DIXDC1: variants seen among roughly 807,000 people sequenced by gnomAD.
DIXDC1 encodes DIX domain containing 1, also known as dixin.
A neutral mutation model predicts 103.1 loss-of-function variants in DIXDC1; 64 were observed. The ratio of observed to expected loss-of-function variants is 0.62; its 90% confidence interval spans 0.51 to 0.76. The LOEUF is 0.76. Ranked by LOEUF, DIXDC1 falls within the 30% of genes least tolerant of loss-of-function variation. The pLI, the probability that DIXDC1 is intolerant of heterozygous loss-of-function variation, is 0.00. For synonymous variants in DIXDC1, 266 were observed against 298.5 expected, an observed-to-expected ratio of 0.89 and a Z score of 1.12; for missense variants, 759 against 834.2, an observed-to-expected ratio of 0.91 and a Z score of 1.11.
chr11:111,940,517 T>C (rs587742882), intron 1 of DIXDC1, among the ~76,000 whole-genome samples: 1 of 152,106 alleles, frequency 6.6e-6, no homozygotes, highest in South Asian at 2.1e-4. Flanking sequence ...CCAATATGGA[T>C]TTCTGCAAGT....
intron 1 of DIXDC1, among the ~76,000 whole-genome samples, chr11:111,947,330 C>T (rs1352061737): frequency 1.3e-5 from 2 of 152,162 alleles, no homozygotes; most frequent in Non-Finnish European, 2.9e-5. Context: ...AGAGTAACAG[C>T]CTCCTGTAAA....
intron 5 of DIXDC1, 119 bp downstream of exon 5, chr11:111,975,102 C>T (rs1460879735): frequency 3.3e-6 from 5 of 1,507,740 alleles, no homozygotes; most frequent in Non-Finnish European, 3.5e-6. Flanking sequence ...TTATGTTTGG[C>T]TTTAAAGGGA....
At chr11:111,957,849 C>A (rs1859439593) in intron 1 of DIXDC1, among the ~76,000 whole-genome samples, 3 of 152,234 alleles carry the variant, frequency 2.0e-5, no homozygotes, top group African/African-American at 7.2e-5. Flanking sequence ...GGTATTTTGT[C>A]ACTGTTAGTG....
Position 111,974,028 on chromosome 11 carries a change from G to A in DIXDC1, c.322G>A (p.Val108Met). The A allele has an allele frequency of 1.2e-6, 2 of 1,613,812 alleles. No homozygotes were observed. The highest frequency in any genetic ancestry group is 1.7e-5 in the Admixed American group (1 of 60,022). ...TGGTCCGTTTTATCCTTCAGATATT[G>A]TGGATGGAAACCTGAAGTCTATCAT... The part of the protein sequence containing the change: ...RMHQTSAKDI[V>M]DGNLKSIMRL... The change falls in exon 4 of 20, where the codon GTG (valine) becomes ATG (methionine). Residue 108 changes from valine (V) to methionine (M), a missense_variant. Coordinates refer to ENST00000440460, the MANE Select transcript of DIXDC1 (RefSeq NM_001037954.4).
intron 3 of DIXDC1, 83 bp downstream of exon 3, chr11:111,968,721 T>TG: frequency 7.4e-7 from 1 of 1,343,518 alleles, no homozygotes; most frequent in Non-Finnish European, 9.9e-7. Context: ...GGCTGTAACC[T>TG]GGGGGAAGAT....
chr11:112,009,698 A>C (rs1447558682), intron 17 of DIXDC1, among the ~76,000 whole-genome samples: 2 of 152,218 alleles, frequency 1.3e-5, no homozygotes, highest in Non-Finnish European at 2.9e-5. Context: ...AACAGAACCA[A>C]AGAGAAAAAC....
rs1555175155 is a variant in DIXDC1, at chr11:111,994,999, A to G, written c.1438-20A>G. 4.4e-6 allele frequency: 7 copies of G among 1,608,508 alleles called. No homozygotes were observed. The highest frequency in any genetic ancestry group is 5.9e-6 in the Non-Finnish European group (7 of 1,178,298). On this transcript the variant is annotated intron_variant, in intron 14 of 19. Transcript: ENST00000440460. Reference sequence around the variant, plus strand: ...TACAATTCTCCCTTTAACAAGCAACATTTCTTCATGCTGCTGTAGGCGACC... The same window carrying G: ...TACAATTCTCCCTTTAACAAGCAACGTTTCTTCATGCTGCTGTAGGCGACC...
intron 1 of DIXDC1, among the ~76,000 whole-genome samples, chr11:111,944,235 C>T (rs1430762704): frequency 1.3e-5 from 2 of 152,208 alleles, no homozygotes; most frequent in African/African-American, 4.8e-5. Context: ...CCATTCATGT[C>T]TCCTCCTGAA....
At position 111,977,554 on chromosome 11, in the gene DIXDC1, G is replaced by A; in HGVS notation, c.656+2571G>A. The A allele has an allele frequency of 2.0e-6, 3 of 1,476,140 alleles. No homozygotes were observed. The highest frequency in any genetic ancestry group is 2.8e-5 in the African/African-American group (2 of 70,196). 91.4% of individuals were successfully genotyped at this position (1,476,140 alleles called of 1,614,324 possible). On this transcript the variant is annotated intron_variant, in intron 5 of 19. Transcript: ENST00000440460. This position sits in a 1 kb window ranked among gnomAD's most constrained non-coding sequence, Gnocchi z 6.1. Reference sequence around the variant, plus strand: ...GCCGGGACTGCGCGCTTCAGAGCCTGGAGCATCCCAGTCGCTGGGGCCGAG... The same window carrying A: ...GCCGGGACTGCGCGCTTCAGAGCCTAGAGCATCCCAGTCGCTGGGGCCGAG...
In DIXDC1 at chr11:111,939,116, C is replaced by T. The variant is rs587614858; in HGVS notation, c.60+1557C>T. Among the ~76,000 whole-genome samples, 4 of 152,334 alleles carry T rather than the reference C, an allele frequency of 2.6e-5. No individual in the cohort carries two copies. In the South Asian group the frequency reaches 8.3e-4, roughly 32 times the overall value. On this transcript the variant is annotated intron_variant, in intron 1 of 19. Coordinates refer to ENST00000440460, the MANE Select transcript of DIXDC1 (RefSeq NM_001037954.4). The stretch of plus-strand genomic sequence containing the variant: ...CAGAAGCTCTTTTAGTTGTCTTATA[C>T]CTCCTGCCCCAACTTAACAACAACA...
intron 8 of DIXDC1, among the ~76,000 whole-genome samples, chr11:111,986,315 T>C (rs1009355729): frequency 6.6e-6 from 1 of 151,524 alleles, no homozygotes; most frequent in Non-Finnish European, 1.5e-5. Context: ...CATTTCTTCT[T>C]CCCTTTACCC....
intron 16 of DIXDC1, 100 bp downstream of exon 16, chr11:111,995,664 C>A (rs1860874166): frequency 1.4e-6 from 2 of 1,459,596 alleles, no homozygotes; most frequent in African/African-American, 1.4e-5. Context: ...AGATACAAGA[C>A]CCTGTTAAAG....
chr11:111,932,247 G>A lies in DIXDC1; in HGVS notation c.57+2337G>A, dbSNP rs587680132. Among the ~76,000 whole-genome samples, 15 of 150,912 alleles carry A rather than the reference G, an allele frequency of 9.9e-5. No individual in the cohort carries two copies. The South Asian group carries it at 3.1e-3, about 32-fold the overall frequency. On this transcript the variant is annotated intron_variant, in intron 2 of 5. Coordinates refer to the DIXDC1 transcript ENST00000529225. ...AGATGGGGTTTCACCATGTTGGCCAGACTGGTCTCTCAACTCCTGACTTCA... is the reference window on the plus strand; with the variant it reads ...AGATGGGGTTTCACCATGTTGGCCAAACTGGTCTCTCAACTCCTGACTTCA...
intron 17 of DIXDC1, chr11:112,015,288 C>T (rs1172477001): frequency 6.6e-6 from 1 of 152,188 alleles, no homozygotes; most frequent in Non-Finnish European, 1.5e-5. Context: ...ATTCATCCTT[C>T]ATATTCCTTA....
At chr11:111,944,696 G>T (rs944313766) in intron 1 of DIXDC1, among the ~76,000 whole-genome samples, 1 of 152,106 alleles carries the variant, frequency 6.6e-6, no homozygotes, top group Non-Finnish European at 1.5e-5. Context: ...TCCTTCCACC[G>T]GCCACCTCGT....
intron 10 of DIXDC1, among the ~76,000 whole-genome samples, chr11:111,990,414 T>C (rs1555174416): frequency 1.3e-5 from 2 of 152,044 alleles, no homozygotes; most frequent in East Asian, 1.9e-4. Context: ...TTAACAGTTA[T>C]CAGCACATTT....
intron 1 of DIXDC1, among the ~76,000 whole-genome samples, chr11:111,928,908 C>T (rs1306601414): frequency 1.3e-5 from 2 of 152,094 alleles, no homozygotes; most frequent in South Asian, 2.1e-4. Context: ...TTATACATGC[C>T]GGGCCATGCG....
chr11:112,002,731 T>A (rs1046750199), intron 17 of DIXDC1, among the ~76,000 whole-genome samples: 1 of 152,152 alleles, frequency 6.6e-6, no homozygotes, highest in South Asian at 2.1e-4. Context: ...AAGGCTGTGG[T>A]GAGCTGTGAT....
intron 4 of DIXDC1, chr11:111,974,476 T>G (rs1860034193): frequency 1.8e-6 from 1 of 560,174 alleles, no homozygotes; most frequent in Non-Finnish European, 3.1e-6. Flanking sequence ...GAATCTTATG[T>G]GTAAGTTTTT....
Sources: allele counts gnomAD v4.1 joint callset (sites outside exome capture counted in the v4.1 genomes callset), GRCh38; gene constraint gnomAD v4.1.1; non-coding constraint Gnocchi (gnomAD v3.1); transcripts MANE v1.5; gene names NCBI Gene and HGNC (gene_info 2026-07-23, HGNC 2026-07-21).